SOX5: variants seen among roughly 807,000 people sequenced by gnomAD.
SOX5 encodes the protein SRY-box transcription factor 5, also known as transcription factor SOX-5.
SOX5 carries 9 observed loss-of-function variants against 92.0 expected under a neutral mutation model. That is an observed-to-expected ratio of 0.10 (90% CI 0.06 to 0.17). SOX5 has a LOEUF of 0.17. Among genes scored for constraint, SOX5 ranks in the 10% least tolerant of loss-of-function variants. SOX5 has a pLI of 1.00. For missense variants in SOX5, 642 were observed against 944.5 expected, an observed-to-expected ratio of 0.68 and a Z score of 4.20; for synonymous variants, 344 against 336.3, an observed-to-expected ratio of 1.02 and a Z score of -0.25.
intron 4 of SOX5, among the ~76,000 whole-genome samples, chr12:24,199,814 A>G (rs1270323736): frequency 6.6e-6 from 1 of 152,172 alleles, no homozygotes; most frequent in African/African-American, 2.4e-5. Context: ...ACCTAACAAG[A>G]GAGGTGATTT....
At chr12:24,439,825 G>A (rs1232485986) in intron 1 of SOX5, among the ~76,000 whole-genome samples, 2 of 152,092 alleles carry the variant, frequency 1.3e-5, no homozygotes, top group Non-Finnish European at 2.9e-5. Flanking sequence ...AACCCAGGAG[G>A]CGGAGCTTGC....
intron 3 of SOX5, among the ~76,000 whole-genome samples, chr12:23,803,041 T>C (rs1161122462): frequency 1.3e-5 from 2 of 152,206 alleles, no homozygotes; most frequent in Non-Finnish European, 2.9e-5. Context: ...CTAGGTATTC[T>C]CTTGGACTCT....
At chr12:24,115,085 G>A (rs1027694526) in intron 4 of SOX5, among the ~76,000 whole-genome samples, 2 of 152,104 alleles carry the variant, frequency 1.3e-5, no homozygotes, top group Non-Finnish European at 2.9e-5. Flanking sequence ...TAAGAGAAGA[G>A]CTATAAAGAA....
At chr12:24,468,206 T>G (rs1944428903) in intron 1 of SOX5, among the ~76,000 whole-genome samples, 1 of 152,168 alleles carries the variant, frequency 6.6e-6, no homozygotes, top group South Asian at 2.1e-4. Context: ...GTGTACTGGA[T>G]TTCAGCATGG....
intron 6 of SOX5, among the ~76,000 whole-genome samples, chr12:23,678,072 A>T (rs1029930957): frequency 6.6e-6 from 1 of 152,108 alleles, no homozygotes; most frequent in Non-Finnish European, 1.5e-5. Flanking sequence ...AACACTTGTC[A>T]CTGAAAATAA....
chr12:24,368,563 C>A (rs1412235912), exon 2 of SOX5: 1 of 150,740 alleles, frequency 6.6e-6, no homozygotes. Flanking sequence ...TTGTACATAC[C>A]CCAGTAGGTC....
At chr12:24,131,560 A>AACTAAC (rs1949648822) in intron 4 of SOX5, among the ~76,000 whole-genome samples, 1 of 152,208 alleles carries the variant, frequency 6.6e-6, no homozygotes, top group Non-Finnish European at 1.5e-5. Flanking sequence ...TGCATTACTA[A>AACTAAC]ACTAACACTT....
chr12:23,800,172 A>C, intron 3 of SOX5, among the ~76,000 whole-genome samples: 1 of 150,814 alleles, frequency 6.6e-6, no homozygotes, highest in Middle Eastern at 3.4e-3. Flanking sequence ...AAATGGTTGA[A>C]AAAAAGAAGA....
chr12:24,535,454 T>C (rs540295096), intron 1 of SOX5, among the ~76,000 whole-genome samples: 2 of 152,310 alleles, frequency 1.3e-5, no homozygotes, highest in South Asian at 4.1e-4. Context: ...CTTAGTATGT[T>C]TGGGGTAGTT....
At chr12:24,158,588 T>TG (rs1952432245) in intron 4 of SOX5, among the ~76,000 whole-genome samples, 1 of 152,018 alleles carries the variant, frequency 6.6e-6, no homozygotes, top group Non-Finnish European at 1.5e-5. Flanking sequence ...TACTTTCAAA[T>TG]GGGGTTTGCC....
intron 6 of SOX5, among the ~76,000 whole-genome samples, chr12:23,689,954 ATT>A (rs1437866096): frequency 6.6e-6 from 1 of 152,170 alleles, no homozygotes; most frequent in African/African-American, 2.4e-5. Context: ...TCTTGTTGAT[ATT>A]GTTTATTTCA....
At position 24,461,794 on chromosome 12, in the gene SOX5, G is replaced by A. The variant is rs532633181; in HGVS notation, c.-250-93155C>T. 1.1e-4 allele frequency among the ~76,000 whole-genome samples: 17 copies of A among 152,136 alleles called. No homozygotes were observed. The South Asian group carries it at 3.1e-3, about 28-fold the overall frequency. On this transcript the variant is annotated intron_variant, in intron 1 of 4. Transcript: ENST00000446891. ...CATCTTTCTCTTGAATAGCTTCAAT[G>A]CTTTAAAGTTTATAATAACTACAAA...
At chr12:24,042,456 AT>A (rs1371363208) in intron 4 of SOX5, among the ~76,000 whole-genome samples, 1 of 152,160 alleles carries the variant, frequency 6.6e-6, no homozygotes, top group African/African-American at 2.4e-5. Flanking sequence ...CACTAACAAC[AT>A]TTTAAAATAT....
intron 3 of SOX5, among the ~76,000 whole-genome samples, chr12:23,825,005 A>G (rs560496968): frequency 6.6e-6 from 1 of 152,304 alleles, no homozygotes; most frequent in South Asian, 2.1e-4. Flanking sequence ...ATTAGATGCC[A>G]GTGGATCTTG....
chr12:24,474,147 T>C (rs1945104022), intron 1 of SOX5, among the ~76,000 whole-genome samples: 2 of 152,234 alleles, frequency 1.3e-5, no homozygotes, highest in Admixed American at 6.5e-5. Flanking sequence ...GAAAGTTATC[T>C]GTTCTGAAGA....
intron 1 of SOX5, among the ~76,000 whole-genome samples, chr12:24,478,742 A>T (rs922035347): frequency 1.3e-5 from 2 of 152,180 alleles, no homozygotes; most frequent in South Asian, 2.1e-4. Context: ...GAAGTCTTTT[A>T]TTCCATCCAT....
rs923709284 is a variant in SOX5, at chr12:24,364,001, C to T, written c.-174+4562G>A. ...GATCAGTTGTCTGACATGTTTTCGT[C>T]GGCAGGCATTTTTAGAAAACCTGAG... On this transcript the variant is annotated intron_variant, in intron 2 of 4. Transcript: ENST00000446891. Among the ~76,000 whole-genome samples the T allele has an allele frequency of 7.9e-5, 12 of 152,154 alleles. 1 individual carries two copies. The highest frequency in any genetic ancestry group is 1.5e-4 in the Non-Finnish European group (10 of 68,036).
chr12:24,419,084 G>A (rs867592313), intron 1 of SOX5, among the ~76,000 whole-genome samples: 1 of 152,020 alleles, frequency 6.6e-6, no homozygotes, highest in African/African-American at 2.4e-5. Context: ...CCACACCTCC[G>A]CTAGAGTCCT....
At chr12:24,133,154 C>T (rs1949806824) in intron 4 of SOX5, among the ~76,000 whole-genome samples, 1 of 152,154 alleles carries the variant, frequency 6.6e-6, no homozygotes, top group Admixed American at 6.6e-5. Flanking sequence ...AAAGGAAAAT[C>T]GTTGCAGAAA....
Sources: allele counts gnomAD v4.1 joint callset (sites outside exome capture counted in the v4.1 genomes callset), GRCh38; gene constraint gnomAD v4.1.1; transcripts MANE v1.5; gene names NCBI Gene and HGNC (gene_info 2026-07-23, HGNC 2026-07-21).